Variants in MECOM observed in about 807,000 individuals in gnomAD.
MECOM encodes the protein histone-lysine N-methyltransferase MECOM.
A neutral mutation model predicts 116.3 loss-of-function variants in MECOM; 13 were observed. The observed-to-expected ratio is 0.11, with a 90% CI of 0.07 to 0.18. The LOEUF is 0.18. Ranked by LOEUF, MECOM falls within the 10% of genes least tolerant of loss-of-function variation. MECOM has a pLI of 1.00. For synonymous variants in MECOM, 528 were observed against 535.2 expected, an observed-to-expected ratio of 0.99 and a Z score of 0.19; for missense variants, 1,299 against 1,509.0, an observed-to-expected ratio of 0.86 and a Z score of 2.31.
chr3:169,127,956 A>C lies in MECOM; in HGVS notation c.718T>G (p.Ser240Ala). The part of the protein sequence containing the change: ...FPCSTPHSAF[S>A]MVEEDFQQKL... ...TGCTGAAAGTCCTCTTCAACCATTG[A>C]AAATGCTGAGTGAGGAGTACTGCAT... The change falls in exon 5 of 17, where the codon TCA (serine) becomes GCA (alanine). Residue 240 changes from serine to alanine, a missense_variant. Ser to Ala is a moderately conservative substitution (Grantham distance 99, BLOSUM62 1). Transcript: ENST00000651503. 1 of 1,614,092 alleles carries C rather than the reference A, an allele frequency of 6.2e-7. No homozygotes were observed. Among genetic ancestry groups the C allele is most frequent in the Non-Finnish European group, 8.5e-7 (1 of 1,179,936 alleles).
In MECOM at chr3:169,100,322, C is replaced by T. The variant is rs1470665438; in HGVS notation, c.2849+563G>A. 4.6e-5 allele frequency among the ~76,000 whole-genome samples: 7 copies of T among 152,120 alleles called. No individual in the cohort carries two copies. The South Asian group carries it at 6.2e-4, about 14-fold the overall frequency. ...CCATGTTAGCCAGGCTGATCTCAAA[C>T]TCCTGACCTCAAGGGATCCACCTGC... On this transcript the variant is annotated intron_variant, in intron 12 of 16. Transcript: ENST00000651503.
intron 1 of MECOM, among the ~76,000 whole-genome samples, chr3:169,391,666 C>G (rs1438487436): frequency 1.3e-5 from 2 of 152,078 alleles, no homozygotes; most frequent in Non-Finnish European, 2.9e-5. Flanking sequence ...TGTATACATA[C>G]ACCAAATAGC....
chr3:169,371,166 A>G (rs2108190681), intron 2 of MECOM, among the ~76,000 whole-genome samples: 1 of 152,138 alleles, frequency 6.6e-6, no homozygotes, highest in South Asian at 2.1e-4. Context: ...ACAATGGAAT[A>G]CTATTTAGCT....
intron 1 of MECOM, among the ~76,000 whole-genome samples, chr3:169,467,685 TG>T (rs761174299): frequency 2.6e-5 from 4 of 152,196 alleles, no homozygotes; most frequent in African/African-American, 4.8e-5. Flanking sequence ...ATTTCATTTT[TG>T]TTTTATATGT....
intron 2 of MECOM, among the ~76,000 whole-genome samples, chr3:169,306,511 G>C (rs995576678): frequency 2.0e-5 from 3 of 152,158 alleles, no homozygotes; most frequent in Admixed American, 6.5e-5. Flanking sequence ...GGGAAACCCT[G>C]TCTCTACAAA....
At chr3:169,406,851 T>G (rs993084517) in intron 1 of MECOM, among the ~76,000 whole-genome samples, 14 of 148,528 alleles carry the variant, frequency 9.4e-5, no homozygotes, top group Non-Finnish European at 1.8e-4. Flanking sequence ...TTTTTTTTGT[T>G]TTTTTTTTTT....
At chr3:169,444,365 G>T (rs62294345) in intron 1 of MECOM, among the ~76,000 whole-genome samples, 1 of 152,082 alleles carries the variant, frequency 6.6e-6, no homozygotes, top group Non-Finnish European at 1.5e-5. Context: ...GAATTCCCAC[G>T]CATTGTCCGA....
At chr3:169,255,689 G>A (rs1756777187) in intron 2 of MECOM, among the ~76,000 whole-genome samples, 2 of 152,136 alleles carry the variant, frequency 1.3e-5, no homozygotes, top group Admixed American at 1.3e-4. Flanking sequence ...ATCTTGCACT[G>A]TTATGACAAC....
intron 1 of MECOM, among the ~76,000 whole-genome samples, chr3:169,494,390 TTAC>T (rs1235882356): frequency 1.6e-4 from 24 of 152,270 alleles, no homozygotes; most frequent in African/African-American, 5.5e-4. Context: ...GCTCTTTGCC[TTAC>T]TCTTGATTCA....
At chr3:169,124,760 C>T (rs1217295204) in intron 5 of MECOM, among the ~76,000 whole-genome samples, 1 of 151,762 alleles carries the variant, frequency 6.6e-6, no homozygotes, top group African/African-American at 2.4e-5. Context: ...AAATCCTATC[C>T]GCTCTCTAGT....
At chr3:169,559,985 A>G (rs949458350) in intron 1 of MECOM, among the ~76,000 whole-genome samples, 13 of 152,204 alleles carry the variant, frequency 8.5e-5, no homozygotes, top group Non-Finnish European at 1.0e-4. Flanking sequence ...AACTTTTATT[A>G]TACCACTAAT....
At chr3:169,331,292 C>T (rs189380485) in intron 2 of MECOM, among the ~76,000 whole-genome samples, 1 of 152,122 alleles carries the variant, frequency 6.6e-6, no homozygotes, top group East Asian at 1.9e-4. Flanking sequence ...CCAACTTTAC[C>T]ACTTACTGAT....
chr3:169,569,927 A>G (rs1332963587), intron 1 of MECOM, among the ~76,000 whole-genome samples: 1 of 152,200 alleles, frequency 6.6e-6, no homozygotes, highest in East Asian at 1.9e-4. Flanking sequence ...ATCACAATTA[A>G]AAGAACTAGA....
At chr3:169,457,246 G>T (rs570653368) in intron 1 of MECOM, among the ~76,000 whole-genome samples, 1 of 152,172 alleles carries the variant, frequency 6.6e-6, no homozygotes, top group African/African-American at 2.4e-5. Context: ...GGATGGGGCA[G>T]CGCTTAGGAG....
At chr3:169,186,638 T>C (rs550341744) in intron 2 of MECOM, among the ~76,000 whole-genome samples, 54 of 152,294 alleles carry the variant, frequency 3.5e-4, no homozygotes, top group African/African-American at 1.2e-3. Context: ...TGACTCCCAG[T>C]AACTTTTACC....
chr3:169,444,818 A>G (rs2108632163), intron 1 of MECOM, among the ~76,000 whole-genome samples: 1 of 152,264 alleles, frequency 6.6e-6, no homozygotes, highest in East Asian at 1.9e-4. Flanking sequence ...AAATGCTGAT[A>G]GTGATATGAA....
In MECOM at chr3:169,100,914, C is replaced by T. The variant is rs1045056359; in HGVS notation, c.2820G>A (p.Leu940=). 6.2e-6 allele frequency: 10 copies of T among 1,607,352 alleles called. No homozygotes were observed. Among genetic ancestry groups the T allele is most frequent in the Admixed American group, 1.7e-5 (1 of 59,902 alleles). The stretch of plus-strand genomic sequence containing the variant: ...AAGGCTGCTCTCCTGTGTGGGTTCT[C>T]AAGTGCCGTGTTAGGTTTGCAGACC... ...FPRSANLTRH[L]RTHTGEQPYR... is the part of the protein sequence containing the mutation. The change falls in exon 12 of 17, where the codon TTG becomes TTA. Residue 940 remains leucine (L), a synonymous_variant. Coordinates refer to ENST00000651503, the MANE Select transcript of MECOM (RefSeq NM_004991.4).
chr3:169,303,279 C>T (rs1490011364), intron 2 of MECOM, among the ~76,000 whole-genome samples: 1 of 152,188 alleles, frequency 6.6e-6, no homozygotes, highest in Non-Finnish European at 1.5e-5. Flanking sequence ...TAATGACACA[C>T]ATTGATGGCA....
At chr3:169,291,818 T>G (rs1714616858) in intron 2 of MECOM, among the ~76,000 whole-genome samples, 1 of 152,212 alleles carries the variant, frequency 6.6e-6, no homozygotes, top group African/African-American at 2.4e-5. Flanking sequence ...ACATCAGTAT[T>G]TGATTCTGTG....
Sources: allele counts gnomAD v4.1 joint callset (sites outside exome capture counted in the v4.1 genomes callset), GRCh38; gene constraint gnomAD v4.1.1; transcripts MANE v1.5; gene names NCBI Gene and HGNC (gene_info 2026-07-23, HGNC 2026-07-21).